Variants in USH2A observed in about 807,000 individuals in gnomAD.
USH2A encodes Usher syndrome 2A (autosomal recessive, mild).
A neutral mutation model predicts 538.9 loss-of-function variants in USH2A; 443 were observed. The ratio of observed to expected loss-of-function variants is 0.82; its 90% CI spans 0.76 to 0.89. The LOEUF is 0.89. Among genes scored for constraint, USH2A ranks in the 40% least tolerant of loss-of-function variants. USH2A has a pLI of 0.00. For synonymous variants in USH2A, 2,413 were observed against 2,273.5 expected, an observed-to-expected ratio of 1.06 and a Z score of -1.75; for missense variants, 6,633 against 6,324.8, an observed-to-expected ratio of 1.05 and a Z score of -1.65.
At position 215,836,554 on chromosome 1, in the gene USH2A, TATATATA is replaced by T. The variant is rs1182458879; in HGVS notation, c.9371+1430_9371+1436del. Among the ~76,000 whole-genome samples, 18 of 18,278 alleles carry T rather than the reference TATATATA, an allele frequency of 9.8e-4. 4 individuals carry two copies. In the Admixed American group the frequency reaches 0.025, roughly 25 times the overall value. 12.0% of individuals were successfully genotyped at this position (18,278 alleles called of 152,430 possible). On this transcript the variant is annotated intron_variant, in intron 47 of 71. Transcript: ENST00000307340. ...TATATATATATATAATATATATATA[TATATATA>T]TATATTTTTTTTTGAGACAGAGTAT...
rs73102593 is a variant in USH2A at position 216,419,781 on chromosome 1, T to G, written c.486-1102A>C. 9.6e-3 allele frequency among the ~76,000 whole-genome samples: 1,468 copies of G among 152,240 alleles called. 12 individuals carry two copies. Among genetic ancestry groups the G allele is most frequent in the East Asian group, 0.038 (197 of 5,162 alleles). ...TAAAATTGAGCCAATCAAGAATTAC[T>G]GCTAAAGATGGTTTAAAGCTTTCCT... On this transcript the variant is annotated intron_variant, in intron 2 of 71. Coordinates refer to ENST00000307340, the MANE Select transcript of USH2A (RefSeq NM_206933.4).
rs1657928666 is a variant in USH2A at position 215,674,422 on chromosome 1, AATCACGATAGCGTGTTTCC to A, written c.13470_13488del (p.Leu4490PhefsTer14). The A allele has an allele frequency of 6.2e-7, 1 of 1,614,004 alleles. No homozygotes were observed. The highest frequency in any genetic ancestry group is 1.1e-5 in the South Asian group (1 of 91,068). ...TACTCCACACCTGGGGTGAGAGTAA[AATCACGATAGCGTGTTTCC>A]AAGCCTGTATATACAATGGTTCCAT... On this transcript the variant is annotated frameshift_variant, in exon 63 of 72. Coordinates refer to ENST00000307340, the MANE Select transcript of USH2A (RefSeq NM_206933.4). LOFTEE classifies it high-confidence loss of function.
intron 21 of USH2A, among the ~76,000 whole-genome samples, chr1:216,107,766 A>T (rs1490237200): frequency 1.3e-5 from 2 of 150,664 alleles, no homozygotes; most frequent in Non-Finnish European, 3.0e-5. Context: ...TTACCTTAAC[A>T]TTCCATTTTG....
At chr1:216,251,442 CTTTTTTTTTTT>C (rs779947689) in intron 11 of USH2A, among the ~76,000 whole-genome samples, 40 of 80,390 alleles carry the variant, frequency 5.0e-4, no homozygotes, top group African/African-American at 1.1e-3. Context: ...ACCACTTCCC[CTTTTTTTTTTT>C]TTTTTTTTTT....
At chr1:215,738,385 T>TAGTC (rs1660212106) in intron 60 of USH2A, among the ~76,000 whole-genome samples, 1 of 152,130 alleles carries the variant, frequency 6.6e-6, no homozygotes, top group African/African-American at 2.4e-5. Flanking sequence ...GACTTATATA[T>TAGTC]AGTCAACAAA....
chr1:216,067,643 G>T (rs894696093), intron 30 of USH2A, among the ~76,000 whole-genome samples: 2 of 152,282 alleles, frequency 1.3e-5, no homozygotes, highest in South Asian at 4.1e-4. Flanking sequence ...GACAACTGTG[G>T]ATATGAGGTG....
chr1:215,845,203 A>G (rs1364009816), intron 45 of USH2A, among the ~76,000 whole-genome samples: 1 of 152,198 alleles, frequency 6.6e-6, no homozygotes, highest in Non-Finnish European at 1.5e-5. Context: ...CTTTGGCACC[A>G]CAAAGGGAAA....
chr1:215,629,211 C>T (rs187003327), intron 70 of USH2A, among the ~76,000 whole-genome samples, 176 bp from the exon 71 acceptor site: 1 of 152,294 alleles, frequency 6.6e-6, no homozygotes, highest in East Asian at 1.9e-4. Flanking sequence ...TGAGCACCCA[C>T]AACACGGTGA....
chr1:216,226,332 G>A (rs1236937374), intron 14 of USH2A, among the ~76,000 whole-genome samples: 1 of 152,170 alleles, frequency 6.6e-6, no homozygotes, highest in African/African-American at 2.4e-5. Flanking sequence ...TCAGAAAATA[G>A]AAAGTCTAAT....
intron 37 of USH2A, 27 bp downstream of exon 37, chr1:215,965,290 A>C: frequency 1.9e-6 from 3 of 1,599,534 alleles, no homozygotes; most frequent in Non-Finnish European, 2.6e-6. Flanking sequence ...AATGTTATTT[A>C]AAGTTTAGAA....
intron 32 of USH2A, among the ~76,000 whole-genome samples, chr1:216,007,355 A>C (rs1668419711): frequency 6.6e-6 from 1 of 151,806 alleles, no homozygotes; most frequent in Non-Finnish European, 1.5e-5. Context: ...GGCAGAAAAA[A>C]AAACAAAAAA....
intron 49 of USH2A, among the ~76,000 whole-genome samples, chr1:215,807,840 C>A (rs1480467418): frequency 6.6e-6 from 1 of 152,008 alleles, no homozygotes; most frequent in Non-Finnish European, 1.5e-5. Flanking sequence ...TTAAAGGAGG[C>A]CTGTTAGCCC....
At chr1:216,145,648 G>A (rs1350397076) in intron 21 of USH2A, among the ~76,000 whole-genome samples, 1 of 152,132 alleles carries the variant, frequency 6.6e-6, no homozygotes, top group East Asian at 1.9e-4. Flanking sequence ...CCTGTGACCT[G>A]CACGTATACG....
intron 27 of USH2A, among the ~76,000 whole-genome samples, chr1:216,074,907 AAAG>A (rs2031697406): frequency 6.6e-6 from 1 of 152,178 alleles, no homozygotes; most frequent in Non-Finnish European, 1.5e-5. Context: ...TGCAGGATGA[AAAG>A]AGTTCTTCAG....
chr1:216,064,751 A>G (rs2031295592), intron 30 of USH2A, among the ~76,000 whole-genome samples: 1 of 152,166 alleles, frequency 6.6e-6, no homozygotes. Flanking sequence ...ATAGAGTAAC[A>G]TGCTGTGCAG....
intron 61 of USH2A, among the ~76,000 whole-genome samples, chr1:215,702,269 A>G (rs1659049752): frequency 6.6e-6 from 1 of 151,814 alleles, no homozygotes; most frequent in African/African-American, 2.4e-5. Context: ...CATCATTTCA[A>G]CTTTGGTGAA....
At chr1:215,753,869 C>G (rs935349982) in intron 58 of USH2A, among the ~76,000 whole-genome samples, 1 of 152,024 alleles carries the variant, frequency 6.6e-6, no homozygotes, top group African/African-American at 2.4e-5. Flanking sequence ...TTCACCAACA[C>G]CCAGCTCTGT....
At chr1:215,807,563 G>A (rs2102787431) in intron 49 of USH2A, among the ~76,000 whole-genome samples, 1 of 152,164 alleles carries the variant, frequency 6.6e-6, no homozygotes, top group East Asian at 1.9e-4. Context: ...CTAAATTCTA[G>A]GCTGTGACAT....
At chr1:216,175,063 AC>A (rs1178004962) in intron 21 of USH2A, 188 bp downstream of exon 21, 2 of 1,431,418 alleles carry the variant, frequency 1.4e-6, no homozygotes, top group Middle Eastern at 2.6e-4. Context: ...TCCTTCACTT[AC>A]CTGACTTTTT....
Sources: allele counts gnomAD v4.1 joint callset (sites outside exome capture counted in the v4.1 genomes callset), GRCh38; gene constraint gnomAD v4.1.1; transcripts MANE v1.5; gene names NCBI Gene and HGNC (gene_info 2026-07-23, HGNC 2026-07-21).